LRRTM3: variants seen among roughly 807,000 people sequenced by gnomAD.
The protein encoded by LRRTM3 is leucine-rich repeat transmembrane neuronal protein 3.
In LRRTM3, 24 loss-of-function variants were observed where a neutral mutation model predicts 44.7. The observed-to-expected ratio is 0.54, with a 90% CI of 0.39 to 0.76. The LOEUF is 0.76. Ranked by LOEUF, LRRTM3 falls within the 30% of genes least tolerant of loss-of-function variation. The probability of loss-of-function intolerance (pLI) is 0.00; values close to 1 mark genes in which losing one functional copy is unlikely to be tolerated. For synonymous variants in LRRTM3, 277 were observed against 278.7 expected (o/e 0.99, Z 0.06); for missense variants, 587 against 702.2 (o/e 0.84, Z 1.85).
Position 66,926,900 on chromosome 10 carries a change from C to G in LRRTM3, c.5-21C>G, listed in dbSNP as rs201381878. The G allele has an allele frequency of 2.9e-5, 45 of 1,536,514 alleles. No homozygotes were observed. The East Asian group carries it at 1.0e-3, about 34-fold the overall frequency. On this transcript the variant is annotated intron_variant, in intron 1 of 2. Coordinates refer to ENST00000361320, the MANE Select transcript of LRRTM3 (RefSeq NM_178011.5). ...ATTCTTTTTTGGGGGGATAACTTTTCTAAGTTGTTTTTATTTCCAGGTTTC... is the reference window on the plus strand; with the variant it reads ...ATTCTTTTTTGGGGGGATAACTTTTGTAAGTTGTTTTTATTTCCAGGTTTC...
intron 2 of LRRTM3, among the ~76,000 whole-genome samples, chr10:67,057,215 T>C (rs1855489522): frequency 6.6e-6 from 1 of 152,180 alleles, no homozygotes; most frequent in African/African-American, 2.4e-5. Flanking sequence ...GATATACATA[T>C]AAATTGTGAA....
At chr10:67,056,210 TG>T (rs1564859684) in intron 2 of LRRTM3, among the ~76,000 whole-genome samples, 1 of 152,112 alleles carries the variant, frequency 6.6e-6, no homozygotes, top group African/African-American at 2.4e-5. Context: ...TAATAAAATA[TG>T]GTTGGTATAC....
At chr10:66,966,790 A>G (rs1849438692) in intron 2 of LRRTM3, among the ~76,000 whole-genome samples, 1 of 152,108 alleles carries the variant, frequency 6.6e-6, no homozygotes, top group Non-Finnish European at 1.5e-5. Flanking sequence ...AAATATGGAA[A>G]AAAACAACAT....
intron 2 of LRRTM3, among the ~76,000 whole-genome samples, chr10:67,033,810 G>T (rs145457232): frequency 0.02 from 2,997 of 152,054 alleles, 105 homozygotes; most frequent in African/African-American, 0.069. Flanking sequence ...TCACTCTGTC[G>T]CCCAGGCTGG....
intron 2 of LRRTM3, among the ~76,000 whole-genome samples, chr10:67,010,446 A>G (rs987885588): frequency 1.3e-5 from 2 of 152,206 alleles, no homozygotes; most frequent in African/African-American, 4.8e-5. Context: ...TGCTGACTTA[A>G]TGATGCCTAA....
chr10:67,088,255 C>T (rs1047733812), intron 2 of LRRTM3, among the ~76,000 whole-genome samples: 1 of 151,136 alleles, frequency 6.6e-6, no homozygotes, highest in South Asian at 2.1e-4. Flanking sequence ...TGGCATATGG[C>T]CCAGAGAAGG....
At chr10:66,949,954 A>G (rs1325843418) in intron 2 of LRRTM3, among the ~76,000 whole-genome samples, 1 of 152,180 alleles carries the variant, frequency 6.6e-6, no homozygotes, top group Admixed American at 6.5e-5. Context: ...TTGTCACTTC[A>G]CAGCTCAGAA....
intron 2 of LRRTM3, among the ~76,000 whole-genome samples, chr10:66,939,515 T>C (rs1847888192): frequency 6.6e-6 from 1 of 152,206 alleles, no homozygotes; most frequent in South Asian, 2.1e-4. Flanking sequence ...TCAACTCTTT[T>C]GTTTGGGCCT....
intron 2 of LRRTM3, among the ~76,000 whole-genome samples, chr10:67,033,134 C>T (rs547960369): frequency 5.7e-4 from 86 of 152,110 alleles, no homozygotes; most frequent in African/African-American, 1.8e-3. Context: ...TGAAGGAAAC[C>T]GACTGATTTT....
rs372306842 is a variant in LRRTM3 at position 66,984,593 on chromosome 10, C to T, written c.1536+56141C>T. Reference sequence around the variant, plus strand: ...TAAACTTGATCTTCAAAATACTTCTCAATGCGTTCATGATTCCTTTTAATA... The same window carrying T: ...TAAACTTGATCTTCAAAATACTTCTTAATGCGTTCATGATTCCTTTTAATA... On this transcript the variant is annotated intron_variant, in intron 2 of 2. Transcript: ENST00000361320. Among the ~76,000 whole-genome samples the T allele has an allele frequency of 4.1e-3, 631 of 152,218 alleles. 16 individuals carry two copies. The highest frequency in any genetic ancestry group is 0.037 in the Middle Eastern group (11 of 294).
intron 2 of LRRTM3, among the ~76,000 whole-genome samples, chr10:66,990,979 G>C (rs781477102): frequency 1.1e-4 from 16 of 152,104 alleles, no homozygotes; most frequent in Non-Finnish European, 2.1e-4. Flanking sequence ...AATCATGATG[G>C]CATGTATTGA....
In LRRTM3 at chr10:67,100,063, T is replaced by C. The variant is rs527287265; in HGVS notation, c.*2267T>C. ...TTGTGTAAACAAGCACAAATTAACA[T>C]ATTTGTTAATAAATAGGTTTATCTA... On this transcript the variant is annotated 3_prime_UTR_variant, in exon 3 of 3. Transcript: ENST00000361320. Among the ~76,000 whole-genome samples, 4 of 151,894 alleles carry C rather than the reference T, an allele frequency of 2.6e-5. No individual in the cohort carries two copies. Among genetic ancestry groups the C allele is most frequent in the African/African-American group, 4.8e-5 (2 of 41,522 alleles).
intron 2 of LRRTM3, among the ~76,000 whole-genome samples, chr10:66,991,435 A>G (rs1296128949): frequency 1.3e-5 from 2 of 152,212 alleles, no homozygotes; most frequent in Non-Finnish European, 2.9e-5. Flanking sequence ...AGGTAACACC[A>G]TCATGTTTTA....
chr10:67,096,693 C>CA (rs141923833), intron 2 of LRRTM3, among the ~76,000 whole-genome samples: 2,643 of 151,946 alleles, frequency 0.017, 79 homozygotes, highest in East Asian at 0.12. Context: ...TTGTCTGTAA[C>CA]TGTGTTTCCC....
chr10:66,990,146 T>C (rs1216757639), intron 2 of LRRTM3, among the ~76,000 whole-genome samples: 1 of 152,206 alleles, frequency 6.6e-6, no homozygotes, highest in Admixed American at 6.6e-5. Context: ...TAAGCTGTTA[T>C]GAGATTCCTT....
chr10:66,990,716 T>C (rs1387852662), intron 2 of LRRTM3, among the ~76,000 whole-genome samples: 3 of 152,222 alleles, frequency 2.0e-5, no homozygotes, highest in Admixed American at 2.0e-4. Flanking sequence ...ACATTGAACC[T>C]GTTGAGATTC....
intron 2 of LRRTM3, among the ~76,000 whole-genome samples, chr10:67,076,289 G>C (rs1323014382): frequency 6.6e-6 from 1 of 152,184 alleles, no homozygotes; most frequent in Non-Finnish European, 1.5e-5. Flanking sequence ...AGGCTAAAAT[G>C]AACTTCAGAG....
intron 2 of LRRTM3, among the ~76,000 whole-genome samples, chr10:66,937,087 G>T (rs1260260952): frequency 1.3e-5 from 2 of 151,978 alleles, no homozygotes; most frequent in African/African-American, 2.4e-5. Context: ...CTATATTTGA[G>T]AATTTTTTTT....
chr10:66,926,533 C>A lies in LRRTM3; in HGVS notation c.-51C>A. On this transcript the variant is annotated 5_prime_UTR_variant, in exon 1 of 3. Transcript: ENST00000361320. ...CTGACAGGGGCTGTCATGCAACTGG[C>A]CCCTAAGCCAAAGCAAAAGACCTAA... 1 of 1,610,656 alleles carries A rather than the reference C, an allele frequency of 6.2e-7. No homozygotes were observed. The highest frequency in any genetic ancestry group is 8.5e-7 in the Non-Finnish European group (1 of 1,177,896).
Sources: allele counts gnomAD v4.1 joint callset (sites outside exome capture counted in the v4.1 genomes callset), GRCh38; gene constraint gnomAD v4.1.1; transcripts MANE v1.5; gene names NCBI Gene and HGNC (gene_info 2026-07-23, HGNC 2026-07-21).